The following TG variants were observed in gnomAD, a reference collection of about 807,000 sequenced individuals.
TG encodes thyroid hormones.
In TG, 270 loss-of-function variants were observed where a neutral mutation model predicts 324.7. That is an observed-to-expected ratio of 0.83 (90% CI 0.75 to 0.92). TG has a LOEUF of 0.92. Ranked by LOEUF, TG falls within the 40% of genes least tolerant of loss-of-function variation. The pLI, the probability that TG is intolerant of heterozygous loss-of-function variation, is 0.00. For synonymous variants in TG, 1,401 were observed against 1,327.0 expected (o/e 1.06, Z -1.21); for missense variants, 3,591 against 3,456.4 (o/e 1.04, Z -0.98).
At chr8:132,941,782 C>T (rs548778231) in intron 26 of TG, among the ~76,000 whole-genome samples, 20 of 152,304 alleles carry the variant, frequency 1.3e-4, no homozygotes, top group African/African-American at 3.1e-4. Context: ...GCTGTCTTTA[C>T]GGGGCATATT....
At chr8:133,002,654 C>T in intron 35 of TG, 1 of 212,118 alleles carries the variant, frequency 4.7e-6, no homozygotes, top group South Asian at 1.1e-4. Flanking sequence ...TGGCCTTTCC[C>T]ACTGGTTCTC....
In TG at chr8:133,011,954, T is replaced by C; in HGVS notation, c.6316T>C (p.Ser2106Pro). ...LALSSVVVDPSIRHFDVAHVS... is the reference protein window; with the variant it reads ...LALSSVVVDPPIRHFDVAHVS... Reference sequence around the variant, plus strand: ...CCTCTCTTCAGTGGTTGTTGATCCATCCATTAGGCACTTTGATGTTGCCCA... The same window carrying C: ...CCTCTCTTCAGTGGTTGTTGATCCACCCATTAGGCACTTTGATGTTGCCCA... Residue 2106 changes from serine to proline, a missense_variant, in exon 36 of 48, where the codon TCC (serine) becomes CCC (proline). Transcript: ENST00000220616. The C allele has an allele frequency of 1.2e-6, 2 of 1,614,198 alleles. No individual in the cohort carries two copies. Among genetic ancestry groups the C allele is most frequent in the Non-Finnish European group, 1.7e-6 (2 of 1,180,036 alleles).
rs1011117439 is a variant in TG at position 132,941,218 on chromosome 8, C to G, written c.5042-133C>G. Reference sequence around the variant, plus strand: ...AGAAGCTTTGTGGCACAGAGAGCATCTCATCTTGGCCCACACGCTGCCTGG... The same window carrying G: ...AGAAGCTTTGTGGCACAGAGAGCATGTCATCTTGGCCCACACGCTGCCTGG... On this transcript the variant is annotated intron_variant, in intron 25 of 47. Coordinates refer to ENST00000220616, the MANE Select transcript of TG (RefSeq NM_003235.5). The G allele has an allele frequency of 1.6e-5, 17 of 1,096,612 alleles. No individual in the cohort carries two copies. The African/African-American group carries it at 2.5e-4, about 16-fold the overall frequency. The allele number at this position is 1,096,612 out of a possible 1,614,324, so 67.9% of individuals were successfully genotyped here.
chr8:133,053,121 C>T (rs1408279630), intron 41 of TG, among the ~76,000 whole-genome samples: 3 of 152,320 alleles, frequency 2.0e-5, no homozygotes, highest in East Asian at 3.9e-4. Flanking sequence ...GCTCTTCCCT[C>T]CTTCACCGTT....
chr8:132,937,479 C>G (rs1190874080), intron 25 of TG, among the ~76,000 whole-genome samples: 1 of 152,162 alleles, frequency 6.6e-6, no homozygotes, highest in Non-Finnish European at 1.5e-5. Context: ...TCGGCTCTCT[C>G]TAATCTATGA....
Position 132,963,082 on chromosome 8 carries a change from C to A in TG, c.5548+8C>A. The A allele has an allele frequency of 6.2e-7, 1 of 1,613,826 alleles. No individual in the cohort carries two copies. Among genetic ancestry groups the A allele is most frequent in the South Asian group, 1.1e-5 (1 of 91,080 alleles). On this transcript the variant is annotated splice_region_variant and intron_variant, in intron 29 of 47. Coordinates refer to ENST00000220616, the MANE Select transcript of TG (RefSeq NM_003235.5). ...CATCTCCAACAGAAGCAGGTACTGA[C>A]CCCCAAACCTTCTTACACACTTGGG... is the stretch of plus-strand genomic sequence containing the variant.
At chr8:133,020,647 G>A (rs1835476187) in intron 39 of TG, among the ~76,000 whole-genome samples, 1 of 152,164 alleles carries the variant, frequency 6.6e-6, no homozygotes. Context: ...CCAAGTGGTG[G>A]CATCTGAGCT....
At chr8:132,882,106 A>G (rs1178416808) in intron 6 of TG, 137 bp downstream of exon 6, 3 of 676,144 alleles carry the variant, frequency 4.4e-6, no homozygotes, top group Non-Finnish European at 7.7e-6. Context: ...ATTGAGGAGG[A>G]CACAACCTTA....
At chr8:133,020,411 C>T (rs1317308043) in intron 39 of TG, among the ~76,000 whole-genome samples, 1 of 152,192 alleles carries the variant, frequency 6.6e-6, no homozygotes, top group Admixed American at 6.5e-5. Context: ...TGAGGACTGC[C>T]TCTTCTTTCT....
At chr8:133,133,713 GCTGTGCTCGCTGCATGAGAC>G in intron 47 of TG, 53 bp downstream of exon 47, 1 of 1,575,678 alleles carries the variant, frequency 6.3e-7, no homozygotes, top group Non-Finnish European at 8.6e-7. Flanking sequence ...CTCAGCATCT[GCTGTGCTCGCTGCATGAGAC>G]CTGTGCTGCG....
At chr8:132,879,598 A>G (rs929538045) in intron 5 of TG, among the ~76,000 whole-genome samples, 2 of 152,266 alleles carry the variant, frequency 1.3e-5, no homozygotes, top group African/African-American at 4.8e-5. Context: ...GGGATTAAAG[A>G]TGGCAGCACA....
At chr8:132,999,081 A>G (rs1490733714) in intron 35 of TG, among the ~76,000 whole-genome samples, 1 of 152,174 alleles carries the variant, frequency 6.6e-6, no homozygotes, top group East Asian at 1.9e-4. Flanking sequence ...GGGACATTAC[A>G]GTCATGGTAA....
intron 10 of TG, among the ~76,000 whole-genome samples, chr8:132,890,157 T>C (rs1374774914): frequency 6.6e-6 from 1 of 152,034 alleles, no homozygotes; most frequent in Non-Finnish European, 1.5e-5. Flanking sequence ...AGAGACTGGA[T>C]ACAAGATCAT....
intron 5 of TG, among the ~76,000 whole-genome samples, chr8:132,876,609 C>A (rs1320097274): frequency 3.9e-5 from 6 of 152,150 alleles, no homozygotes; most frequent in African/African-American, 1.4e-4. Flanking sequence ...GAAGTAGGTC[C>A]TTTTGCCCTT....
At chr8:133,046,654 C>T (rs1056407095) in intron 41 of TG, 1 of 152,270 alleles carries the variant, frequency 6.6e-6, no homozygotes, top group Non-Finnish European at 1.5e-5. Flanking sequence ...TTCTTCCTCC[C>T]TTTGGCCAGG....
At chr8:133,005,199 C>T (rs1833915511) in intron 35 of TG, among the ~76,000 whole-genome samples, 1 of 152,146 alleles carries the variant, frequency 6.6e-6, no homozygotes, top group Non-Finnish European at 1.5e-5. Context: ...AGGCCCAGCC[C>T]ATGGCACCGC....
At chr8:132,978,935 G>A (rs932891270) in intron 34 of TG, among the ~76,000 whole-genome samples, 4 of 152,188 alleles carry the variant, frequency 2.6e-5, no homozygotes, top group Admixed American at 2.6e-4. Context: ...AGTCCAAAGA[G>A]CCTGCAGCCA....
Position 133,011,958 on chromosome 8 carries a change from T to C in TG, c.6320T>C (p.Ile2107Thr). 1 of 1,614,194 alleles carries C rather than the reference T, an allele frequency of 6.2e-7. No homozygotes were observed. Among genetic ancestry groups the C allele is most frequent in the Non-Finnish European group, 8.5e-7 (1 of 1,180,030 alleles). Residue 2107 changes from isoleucine to threonine, a missense_variant, in exon 36 of 48, where the codon ATT becomes ACT. Ile to Thr is a moderately conservative substitution (Grantham distance 89, BLOSUM62 -1). Coordinates refer to ENST00000220616, the MANE Select transcript of TG (RefSeq NM_003235.5). ...ALSSVVVDPS[I>T]RHFDVAHVST... ...TCTTCAGTGGTTGTTGATCCATCCA[T>C]TAGGCACTTTGATGTTGCCCATGTC...
intron 34 of TG, among the ~76,000 whole-genome samples, chr8:132,973,895 TCTTA>T (rs1829856567): frequency 6.6e-6 from 1 of 152,138 alleles, no homozygotes; most frequent in African/African-American, 2.4e-5. Context: ...GAATTCTGGC[TCTTA>T]CTTAGCACTT....
Sources: gnomAD v4.1 joint callset for allele counts (sites outside exome capture counted in the v4.1 genomes callset) on GRCh38, gnomAD v4.1.1 for gene constraint, MANE v1.5 for transcripts, NCBI Gene and HGNC (gene_info 2026-07-23, HGNC 2026-07-21) for gene names.